FTSJ3: variants seen among roughly 807,000 people sequenced by gnomAD.
FTSJ3 encodes the protein FtsJ RNA 2'-O-methyltransferase 3.
In FTSJ3, 46 loss-of-function variants were observed where a neutral mutation model predicts 111.5. The ratio of observed to expected loss-of-function variants is 0.41; its 90% CI spans 0.33 to 0.53. The LOEUF is 0.53. Among genes scored for constraint, FTSJ3 ranks in the 20% least tolerant of loss-of-function variants. The probability of loss-of-function intolerance (pLI) is 0.19; values close to 1 mark genes in which losing one functional copy is unlikely to be tolerated. For missense variants in FTSJ3, 1,075 were observed against 1,063.8 expected, an observed-to-expected ratio of 1.01 and a Z score of -0.15; for synonymous variants, 408 against 383.0, an observed-to-expected ratio of 1.07 and a Z score of -0.76.
At position 63,821,346 on chromosome 17, in the gene FTSJ3, CTACTCACCTCTCTTCTTCCTCACTGCTAG is replaced by C. The variant is rs1567751645; in HGVS notation, c.1865_1886+7del. The C allele has an allele frequency of 6.3e-7, 1 of 1,595,422 alleles. No individual in the cohort carries two copies. The highest frequency in any genetic ancestry group is 1.1e-5 in the South Asian group (1 of 89,002). On this transcript the variant is annotated splice_donor_variant and splice_donor_5th_base_variant and coding_sequence_variant and intron_variant, in exon 16 of 21. Transcript: ENST00000427159. LOFTEE classifies it high-confidence loss of function. ...TTTCCATCCCTTCTCTCAGCTGCAA[CTACTCACCTCTCTTCTTCCTCACTGCTAG>C]TACTGCTATCACTGTCTGAGATGCC...
At position 63,819,863 on chromosome 17, in the gene FTSJ3, A is replaced by G. The variant is rs1245271073; in HGVS notation, c.2483T>C (p.Met828Thr). 3.1e-6 allele frequency: 5 copies of G among 1,613,798 alleles called. No individual in the cohort carries two copies. The highest frequency in any genetic ancestry group is 4.2e-6 in the Non-Finnish European group (5 of 1,180,008). Reference sequence around the variant, plus strand: ...TTGCTGTGCTCTTTGGTCCTTCTTCATCCTTGAGTCCACCACCTTGAAATG... The same window carrying G: ...TTGCTGTGCTCTTTGGTCCTTCTTCGTCCTTGAGTCCACCACCTTGAAATG... ...RGHFKVVDSR[M>T]KKDQRAQQRK... Residue 828 changes from methionine to threonine, a missense_variant, in exon 21 of 21, where the codon ATG (methionine) becomes ACG (threonine). Around this residue, in one of 2 missense-constraint regions of FTSJ3, gnomAD observed 867 missense variants for 796.9 expected, o/e 1.09. Transcript: ENST00000427159.
chr17:63,826,386 G>T, intron 3 of FTSJ3, 82 bp from the exon 4 acceptor site: 1 of 1,359,938 alleles, frequency 7.4e-7, no homozygotes, highest in Non-Finnish European at 1.1e-6. Context: ...CTGGTGTTAC[G>T]TGTACTGGCC....
In FTSJ3 at chr17:63,827,147, G is replaced by T. The variant is rs892077703; in HGVS notation, c.-122C>A. 1.3e-5 allele frequency: 8 copies of T among 606,752 alleles called. No individual in the cohort carries two copies. The highest frequency in any genetic ancestry group is 2.9e-5 in the Admixed American group (1 of 34,106). 37.6% of individuals were successfully genotyped at this position (606,752 alleles called of 1,614,324 possible). A position where few individuals can be genotyped will look rare whatever the true frequency, so the allele number is the denominator to read the frequency against. Reference sequence around the variant, plus strand: ...TGCGTCCCCTGCGTCCCTGGCTCGAGGTTTTCCGCCATTTTGAGTGTGGCC... The same window carrying T: ...TGCGTCCCCTGCGTCCCTGGCTCGATGTTTTCCGCCATTTTGAGTGTGGCC... On this transcript the variant is annotated 5_prime_UTR_variant, in exon 1 of 21. Coordinates refer to ENST00000427159, the MANE Select transcript of FTSJ3 (RefSeq NM_017647.4).
intron 16 of FTSJ3, 31 bp downstream of exon 16, chr17:63,821,323 T>C (rs1488198023): frequency 1.3e-6 from 2 of 1,583,434 alleles, no homozygotes; most frequent in South Asian, 2.3e-5. Flanking sequence ...CCGCTTCCTT[T>C]CCATCCCTTC....
At chr17:63,824,795 A>T (rs1293908180) in intron 9 of FTSJ3, 30 bp downstream of exon 9, 1 of 1,605,758 alleles carries the variant, frequency 6.2e-7, no homozygotes, top group Non-Finnish European at 8.5e-7. Flanking sequence ...TTCTGGGGCT[A>T]CCTCATGTCC....
chr17:63,821,786 C>G lies in FTSJ3; in HGVS notation c.1533G>C (p.Leu511=). ...DKEEEEEENP[L]LVPLEEKAVL... is the part of the protein sequence containing the mutation. ...CTGCCTTTTCCTCCAGTGGTACCAGCAGTGGATTCTCCTCCTCCTCCTCCT... is the reference window on the plus strand; with the variant it reads ...CTGCCTTTTCCTCCAGTGGTACCAGGAGTGGATTCTCCTCCTCCTCCTCCT... The change falls in exon 15 of 21, where the codon CTG becomes CTC. Residue 511 remains leucine, a synonymous_variant. Transcript: ENST00000427159. The G allele has an allele frequency of 6.2e-7, 1 of 1,614,148 alleles. No individual in the cohort carries two copies. Among genetic ancestry groups the G allele is most frequent in the Non-Finnish European group, 8.5e-7 (1 of 1,180,020 alleles).
At position 63,827,264 on chromosome 17, in the gene FTSJ3, A is replaced by G. The variant is rs1382373510; in HGVS notation, c.-239T>C. ...CACAAGAACTATAAACAGAGTTTCA[A>G]TGAGGCAACACTGAGGAGGAGTTCT... On this transcript the variant is annotated 5_prime_UTR_variant, in exon 1 of 21. Coordinates refer to ENST00000427159, the MANE Select transcript of FTSJ3 (RefSeq NM_017647.4). 3 of 618,196 alleles carry G rather than the reference A, an allele frequency of 4.9e-6. No homozygotes were observed. The Admixed American group carries it at 8.8e-5, about 18-fold the overall frequency. 38.3% of individuals were successfully genotyped at this position (618,196 alleles called of 1,614,324 possible). A position where few individuals can be genotyped will look rare whatever the true frequency, so the allele number is the denominator to read the frequency against.
At chr17:63,824,298 G>C in intron 11 of FTSJ3, 33 bp downstream of exon 11, 2 of 1,614,028 alleles carry the variant, frequency 1.2e-6, no homozygotes, top group South Asian at 2.2e-5. Flanking sequence ...TGGACACCCA[G>C]TCCACACCTG....
chr17:63,824,499 C>T (rs1466290080), intron 10 of FTSJ3, 88 bp from the exon 11 acceptor site: 1 of 1,505,388 alleles, frequency 6.6e-7, no homozygotes, highest in East Asian at 2.3e-5. Context: ...ACCTTTCGGG[C>T]TTCGGCTACA....
At chr17:63,825,661 A>AGGCCGGGCGCGGTGGCTC (rs1199207503) in intron 5 of FTSJ3, 26 bp from the exon 6 acceptor site, 1 of 1,586,554 alleles carries the variant, frequency 6.3e-7, no homozygotes, top group Admixed American at 1.7e-5. Flanking sequence ...GGAACTATGG[A>AGGCCGGGCGCGGTGGCTC]AACAGAAACA....
chr17:63,821,254 A>C, intron 16 of FTSJ3, 100 bp downstream of exon 16: 3 of 1,497,434 alleles, frequency 2.0e-6, no homozygotes, highest in Non-Finnish European at 2.8e-6. Context: ...AGTATTTTTA[A>C]CCCTCCCCAT....
In FTSJ3 at chr17:63,825,966, A is replaced by G. The variant is rs151005290; in HGVS notation, c.300+90T>C. The stretch of plus-strand genomic sequence containing the variant: ...TGTCAGGCAAGAACGTGCTCAAAGC[A>G]CGGTAAAAAGGAAAAACTTGCCTTT... On this transcript the variant is annotated intron_variant, in intron 5 of 20. Coordinates refer to ENST00000427159, the MANE Select transcript of FTSJ3 (RefSeq NM_017647.4). 1.2e-3 allele frequency: 1,299 copies of G among 1,080,782 alleles called. 5 individuals are homozygous for G. In the African/African-American group the frequency reaches 0.017, roughly 15 times the overall value. The allele number at this position is 1,080,782 out of a possible 1,614,324, so 66.9% of individuals were successfully genotyped here.
At chr17:63,823,578 G>A (rs1202487524) in intron 13 of FTSJ3, 1 of 451,816 alleles carries the variant, frequency 2.2e-6, no homozygotes, top group Admixed American at 4.0e-5. Flanking sequence ...CTGGGCAACA[G>A]AGCAAGACTC....
Position 63,821,661 on chromosome 17 carries a change from C to A in FTSJ3, c.1597-18G>T, listed in dbSNP as rs2040052952. 1 of 1,613,492 alleles carries A rather than the reference C, an allele frequency of 6.2e-7. No individual in the cohort carries two copies. The highest frequency in any genetic ancestry group is 1.7e-5 in the Admixed American group (1 of 60,000). ...AAGCTGCCCTGTGATAGGAGAACAT[C>A]AGCTGCCCTTCTCCCAAGGAAGACT... On this transcript the variant is annotated intron_variant, in intron 15 of 20. Transcript: ENST00000427159.
At position 63,821,492 on chromosome 17, in the gene FTSJ3, A is replaced by G. The variant is rs888253206; in HGVS notation, c.1748T>C (p.Met583Thr). 8.7e-6 allele frequency: 14 copies of G among 1,614,010 alleles called. No individual in the cohort carries two copies. The highest frequency in any genetic ancestry group is 4.5e-5 in the East Asian group (2 of 44,890). Residue 583 changes from methionine (M) to threonine (T), a missense_variant, in exon 16 of 21, where the codon ATG (methionine) becomes ACG (threonine). Coordinates refer to ENST00000427159, the MANE Select transcript of FTSJ3 (RefSeq NM_017647.4). ...GGCTTCATCTTGGTACAGGGGAGACATTATCTCAGTCTTCAAACAGGAAGG... is the reference window on the plus strand; with the variant it reads ...GGCTTCATCTTGGTACAGGGGAGACGTTATCTCAGTCTTCAAACAGGAAGG... ...TPPSCLKTEI[M>T]SPLYQDEAPK...
rs1412267547 is a variant in FTSJ3 at position 63,826,152 on chromosome 17, C to T, written c.221-17G>A. On this transcript the variant is annotated splice_polypyrimidine_tract_variant and intron_variant, in intron 4 of 20. Coordinates refer to ENST00000427159, the MANE Select transcript of FTSJ3 (RefSeq NM_017647.4). ...GGTCCACTCCTGGAAGAAATCAGGT[C>T]AGAGTATTCTAAAAGGTTGCTTCAA... The T allele has an allele frequency of 1.9e-6, 3 of 1,613,372 alleles. No individual in the cohort carries two copies. The highest frequency in any genetic ancestry group is 1.1e-5 in the South Asian group (1 of 91,032).
At chr17:63,825,979 A>C in intron 5 of FTSJ3, 77 bp downstream of exon 5, 2 of 1,271,198 alleles carry the variant, frequency 1.6e-6, no homozygotes, top group Non-Finnish European at 2.2e-6. Flanking sequence ...GTAAAAAGGA[A>C]AAACTTGCCT....
At position 63,827,227 on chromosome 17, in the gene FTSJ3, A is replaced by C; in HGVS notation, c.-202T>G. 3.3e-6 allele frequency: 2 copies of C among 606,406 alleles called. No homozygotes were observed. Among genetic ancestry groups the C allele is most frequent in the African/African-American group, 3.7e-5 (2 of 54,076 alleles). 37.6% of individuals were successfully genotyped at this position (606,406 alleles called of 1,614,324 possible). On this transcript the variant is annotated 5_prime_UTR_variant, in exon 1 of 21. An upstream open reading frame in the 5' UTR loses its in-frame stop. Transcript: ENST00000427159. The stretch of plus-strand genomic sequence containing the variant: ...GTTTTGTAAGTTGAAAGTTGAGACT[A>C]GGAAGGCATATCACAAGAACTATAA...
rs1275268202 is a variant in FTSJ3, at chr17:63,827,508, A to G, written c.-483T>C. The G allele has an allele frequency of 9.0e-6, 14 of 1,551,770 alleles. No homozygotes were observed. The highest frequency in any genetic ancestry group is 1.2e-5 in the Non-Finnish European group (14 of 1,147,004). ...GAGAGAAGATGGCGCTTGACGGACCAGAGCAGGTATGGCGGGTGCAGTGGC... is the reference window on the plus strand; with the variant it reads ...GAGAGAAGATGGCGCTTGACGGACCGGAGCAGGTATGGCGGGTGCAGTGGC... On this transcript the variant is annotated 5_prime_UTR_variant, in exon 1 of 21. Coordinates refer to ENST00000427159, the MANE Select transcript of FTSJ3 (RefSeq NM_017647.4).
Sources: gnomAD v4.1 joint callset for allele counts on GRCh38, gnomAD v4.1.1 for gene constraint, gnomAD v4.1.1 regional missense constraint, MANE v1.5 for transcripts, NCBI Gene and HGNC (gene_info 2026-07-23, HGNC 2026-07-21) for gene names.